Variants in ENPP1 observed in about 807,000 individuals in gnomAD.
ENPP1 encodes ectonucleotide pyrophosphatase/phosphodiesterase family member 1.
Under a neutral mutation model 122.8 loss-of-function variants are expected in ENPP1, and 73 were observed. That is an observed-to-expected ratio of 0.59 (90% CI 0.49 to 0.72). ENPP1 has a LOEUF of 0.72. Ranked by LOEUF, ENPP1 falls within the 30% of genes least tolerant of loss-of-function variation. The pLI, the probability that ENPP1 is intolerant of heterozygous loss-of-function variation, is 0.00. For missense variants in ENPP1, 978 were observed against 1,128.1 expected, an observed-to-expected ratio of 0.87 and a Z score of 1.91; for synonymous variants, 367 against 391.6, an observed-to-expected ratio of 0.94 and a Z score of 0.74.
At chr6:131,827,916 GC>G in intron 1 of ENPP1, 1 of 1,194,678 alleles carries the variant, frequency 8.4e-7, no homozygotes, top group Non-Finnish European at 1.2e-6. Flanking sequence ...CTGACAGGGT[GC>G]AGGTGGTCCG....
intron 1 of ENPP1, among the ~76,000 whole-genome samples, chr6:131,818,083 T>G (rs532947694): frequency 2.0e-5 from 3 of 152,128 alleles, no homozygotes; most frequent in Non-Finnish European, 2.9e-5. Context: ...TAGAAAGCTT[T>G]TTTTGACGTT....
At chr6:131,888,235 CTTTTTTTT>C (rs58493790) in intron 24 of ENPP1, among the ~76,000 whole-genome samples, 1 of 139,484 alleles carries the variant, frequency 7.2e-6, no homozygotes, top group African/African-American at 2.7e-5. Context: ...CCTACATTTC[CTTTTTTTT>C]TTTTTTTCAT....
Position 131,861,568 on chromosome 6 carries a change from T to C in ENPP1, c.916-27T>C, listed in dbSNP as rs1439303285. On this transcript the variant is annotated intron_variant, in intron 8 of 24. Transcript: ENST00000647893. ...AAGAGATGAATGTTTGCATGATTTC[T>C]TAATTTTCCTTCATTTTCTGCTCCA... 9.4e-6 allele frequency: 13 copies of C among 1,378,368 alleles called. No homozygotes were observed. The African/African-American group carries it at 1.4e-4, about 15-fold the overall frequency. The allele number at this position is 1,378,368 out of a possible 1,614,324, so 85.4% of individuals were successfully genotyped here. A position where few individuals can be genotyped will look rare whatever the true frequency, so the allele number is the denominator to read the frequency against.
intron 1 of ENPP1, among the ~76,000 whole-genome samples, chr6:131,815,871 ATTTTTTTTTT>A (rs750091125): frequency 8.6e-6 from 1 of 115,842 alleles, no homozygotes; most frequent in East Asian, 2.6e-4. Flanking sequence ...CACCTGGCTA[ATTTTTTTTTT>A]TTTTTTTTTT....
At chr6:131,858,928 C>A (rs1781982839) in intron 7 of ENPP1, among the ~76,000 whole-genome samples, 181 bp downstream of exon 7, 2 of 152,188 alleles carry the variant, frequency 1.3e-5, no homozygotes, top group Admixed American at 1.3e-4. Context: ...GGAAAGGTCA[C>A]TTTACTGGCT....
At chr6:131,870,409 A>C (rs1485327215) in intron 13 of ENPP1, among the ~76,000 whole-genome samples, 1 of 152,238 alleles carries the variant, frequency 6.6e-6, no homozygotes, top group Non-Finnish European at 1.5e-5. Flanking sequence ...AGTGTATTTC[A>C]TAACTGTTTC....
At chr6:131,864,649 A>G in intron 10 of ENPP1, 78 bp downstream of exon 10, 1 of 1,037,566 alleles carries the variant, frequency 9.6e-7, no homozygotes, top group Non-Finnish European at 1.5e-6. Flanking sequence ...GACTACAACA[A>G]AACTTTGCTA....
chr6:131,818,462 C>T lies in ENPP1; in HGVS notation c.240+10187C>T, dbSNP rs371302921. Among the ~76,000 whole-genome samples the T allele has an allele frequency of 7.2e-4, 110 of 151,940 alleles. 3 individuals are homozygous for T. In the South Asian group the frequency reaches 0.021, roughly 29 times the overall value. On this transcript the variant is annotated intron_variant, in intron 1 of 24. Coordinates refer to ENST00000647893, the MANE Select transcript of ENPP1 (RefSeq NM_006208.3). ...GAGATCGAGACCATCCTGGCTAACA[C>T]GGTGAAATGCCGTCTCTACTAAAAA... is the stretch of plus-strand genomic sequence containing the variant.
chr6:131,840,368 A>G (rs191971513), intron 1 of ENPP1, among the ~76,000 whole-genome samples: 32 of 152,354 alleles, frequency 2.1e-4, no homozygotes, highest in African/African-American at 7.2e-4. Context: ...AAAAGGAAAA[A>G]TGTTAATGCA....
At chr6:131,819,173 G>A (rs1457911479) in intron 1 of ENPP1, among the ~76,000 whole-genome samples, 1 of 152,112 alleles carries the variant, frequency 6.6e-6, no homozygotes, top group Non-Finnish European at 1.5e-5. Flanking sequence ...AAGGATGAGT[G>A]GATGATGTTA....
At chr6:131,839,426 G>C (rs1241806275) in intron 1 of ENPP1, among the ~76,000 whole-genome samples, 1 of 152,052 alleles carries the variant, frequency 6.6e-6, no homozygotes, top group Non-Finnish European at 1.5e-5. Flanking sequence ...ATGGAGCTTT[G>C]AGTATTCAGG....
chr6:131,813,513 G>C (rs1206908307), intron 1 of ENPP1, among the ~76,000 whole-genome samples: 1 of 150,422 alleles, frequency 6.6e-6, no homozygotes, highest in East Asian at 2.0e-4. Flanking sequence ...CTAGGTGACA[G>C]AGCAAGACTC....
chr6:131,860,550 C>G, intron 8 of ENPP1, 44 bp downstream of exon 8: 1 of 1,435,208 alleles, frequency 7.0e-7, no homozygotes, highest in Admixed American at 1.7e-5. Context: ...TTATTCTCAT[C>G]TATTTCAATC....
At chr6:131,847,664 C>A in intron 1 of ENPP1, 112 bp from the exon 2 acceptor site, 1 of 711,044 alleles carries the variant, frequency 1.4e-6, no homozygotes, top group Non-Finnish European at 2.3e-6. Context: ...TATGATCATG[C>A]CACTGTACCC....
Position 131,891,563 on chromosome 6 carries a change from T to A in ENPP1, c.*1052T>A, listed in dbSNP as rs1782470023. On this transcript the variant is annotated 3_prime_UTR_variant, in exon 25 of 25. Coordinates refer to ENST00000647893, the MANE Select transcript of ENPP1 (RefSeq NM_006208.3). ...TTGACTGTAGCTTTTTATCCCTACC[T>A]GTGAACCTTCAAAGACTGCATTAAC... The A allele has an allele frequency of 6.6e-6, 1 of 152,216 alleles. No homozygotes were observed. Among genetic ancestry groups the A allele is most frequent in the Non-Finnish European group, 1.5e-5 (1 of 68,038 alleles). 9.4% of individuals were successfully genotyped at this position (152,216 alleles called of 1,614,324 possible).
At chr6:131,830,331 G>C (rs1351063382) in intron 1 of ENPP1, among the ~76,000 whole-genome samples, 1 of 152,186 alleles carries the variant, frequency 6.6e-6, no homozygotes, top group Non-Finnish European at 1.5e-5. Flanking sequence ...AGACCCTCTA[G>C]AGTGGTCCAG....
Position 131,894,349 on chromosome 6 carries a change from G to A in ENPP1, c.*3838G>A, listed in dbSNP as rs59958908. On this transcript the variant is annotated 3_prime_UTR_variant, in exon 25 of 25. Coordinates refer to ENST00000647893, the MANE Select transcript of ENPP1 (RefSeq NM_006208.3). Reference sequence around the variant, plus strand: ...GGCCCAGGCTAGACTGCAGTGGCATGATCTCGGCTCACTGCAACCTCCACC... The same window carrying A: ...GGCCCAGGCTAGACTGCAGTGGCATAATCTCGGCTCACTGCAACCTCCACC... 0.051 allele frequency: 7,749 copies of A among 150,776 alleles called. 442 individuals carry two copies. The highest frequency in any genetic ancestry group is 0.14 in the African/African-American group (5,519 of 40,610). The allele number at this position is 150,776 out of a possible 1,614,324, so 9.3% of individuals were successfully genotyped here.
At chr6:131,883,853 T>TA in intron 22 of ENPP1, 79 bp downstream of exon 22, 1 of 771,014 alleles carries the variant, frequency 1.3e-6, no homozygotes, top group Non-Finnish European at 2.3e-6. Flanking sequence ...TAATAGGACT[T>TA]ATGGTCTAAA....
chr6:131,849,404 T>G (rs1781853310), intron 2 of ENPP1, among the ~76,000 whole-genome samples: 1 of 152,114 alleles, frequency 6.6e-6, no homozygotes, highest in Non-Finnish European at 1.5e-5. Context: ...GAAAGCTTTT[T>G]AGAGGGAGCC....
Sources: gnomAD v4.1 joint callset for allele counts (sites outside exome capture counted in the v4.1 genomes callset) on GRCh38, gnomAD v4.1.1 for gene constraint, MANE v1.5 for transcripts, NCBI Gene and HGNC (gene_info 2026-07-23, HGNC 2026-07-21) for gene names.